Variants in NR2C2 observed in about 807,000 individuals in gnomAD.
NR2C2 encodes the protein nuclear receptor subfamily 2 group C member 2, also known as Nuclear hormone receptor TR4.
NR2C2 carries 6 observed loss-of-function variants against 62.9 expected under a neutral mutation model. The ratio of observed to expected loss-of-function variants is 0.10; its 90% confidence interval spans 0.05 to 0.19. NR2C2 has a LOEUF of 0.19. Among genes scored for constraint, NR2C2 ranks in the 10% least tolerant of loss-of-function variants. The pLI, the probability that NR2C2 is intolerant of heterozygous loss-of-function variation, is 1.00. For missense variants in NR2C2, 479 were observed against 762.7 expected, an observed-to-expected ratio of 0.63 and a Z score of 4.38; for synonymous variants, 272 against 273.8, an observed-to-expected ratio of 0.99 and a Z score of 0.07.
intron 1 of NR2C2, among the ~76,000 whole-genome samples, chr3:14,982,820 A>G (rs1368054831): frequency 1.3e-5 from 2 of 152,178 alleles, no homozygotes; most frequent in Non-Finnish European, 2.9e-5. Flanking sequence ...TGTTGATAGC[A>G]GGCATCCTTG....
intron 1 of NR2C2, among the ~76,000 whole-genome samples, chr3:14,973,642 A>G (rs1186763212): frequency 1.3e-5 from 2 of 152,148 alleles, no homozygotes; most frequent in African/African-American, 4.8e-5. Context: ...TTTCTTTTGC[A>G]TGTGAATATC....
At chr3:14,964,034 G>T (rs560451727) in intron 1 of NR2C2, among the ~76,000 whole-genome samples, 2 of 152,050 alleles carry the variant, frequency 1.3e-5, no homozygotes, top group Non-Finnish European at 2.9e-5. Flanking sequence ...CAGAAGTATT[G>T]GGATTAAAAT....
chr3:15,000,639 T>G (rs1184900929), intron 1 of NR2C2, among the ~76,000 whole-genome samples: 1 of 152,176 alleles, frequency 6.6e-6, no homozygotes, highest in Non-Finnish European at 1.5e-5. Flanking sequence ...TTTTCAAGAT[T>G]GTTTTGGATA....
chr3:14,981,622 AAGAGT>A (rs946522979), intron 1 of NR2C2, among the ~76,000 whole-genome samples: 3 of 150,660 alleles, frequency 2.0e-5, no homozygotes, highest in African/African-American at 7.4e-5. Flanking sequence ...AAAAAAAAAA[AAGAGT>A]ATTGATTCAC....
chr3:14,974,318 A>T (rs901589520), intron 1 of NR2C2, among the ~76,000 whole-genome samples: 2 of 152,132 alleles, frequency 1.3e-5, no homozygotes, highest in Non-Finnish European at 2.9e-5. Context: ...TGAAATTGGG[A>T]AGTACGAGAT....
At chr3:14,982,798 G>T (rs893429932) in intron 1 of NR2C2, among the ~76,000 whole-genome samples, 2 of 152,084 alleles carry the variant, frequency 1.3e-5, no homozygotes, top group African/African-American at 4.8e-5. Context: ...CCAGTACAGT[G>T]TTGAATGGAA....
In NR2C2 at chr3:14,972,243, C is replaced by T. The variant is rs1361679586; in HGVS notation, c.-40+24337C>T. Among the ~76,000 whole-genome samples, 7 of 141,858 alleles carry T rather than the reference C, an allele frequency of 4.9e-5. No homozygotes were observed. In the South Asian group the frequency reaches 6.6e-4, roughly 13 times the overall value. The allele number at this position is 141,858 out of a possible 152,430, so 93.1% of individuals were successfully genotyped here. A position where few individuals can be genotyped will look rare whatever the true frequency, so the allele number is the denominator to read the frequency against. On this transcript the variant is annotated intron_variant, in intron 1 of 13. Transcript: ENST00000425241. Reference sequence around the variant, plus strand: ...AGGCTGGAGTGCAGTGGCATCATTTCGGCTCACTGTAACCTCCGCCTCCTG... The same window carrying T: ...AGGCTGGAGTGCAGTGGCATCATTTTGGCTCACTGTAACCTCCGCCTCCTG...
At chr3:14,973,167 G>C (rs543440943) in intron 1 of NR2C2, among the ~76,000 whole-genome samples, 1 of 152,098 alleles carries the variant, frequency 6.6e-6, no homozygotes, top group African/African-American at 2.4e-5. Context: ...TTCTTTTGTT[G>C]CTTGTACTTT....
intron 1 of NR2C2, among the ~76,000 whole-genome samples, chr3:15,000,069 G>C (rs960062503): frequency 6.6e-6 from 1 of 151,882 alleles, no homozygotes; most frequent in African/African-American, 2.4e-5. Flanking sequence ...TGTACAATAG[G>C]CTATTATTAA....
chr3:15,041,153 A>G (rs1218991316), intron 13 of NR2C2, among the ~76,000 whole-genome samples: 1 of 152,208 alleles, frequency 6.6e-6, no homozygotes. Flanking sequence ...TCTCAAAGAA[A>G]AGGGCCTAGA....
At chr3:15,038,999 C>A in intron 12 of NR2C2, 123 bp from the exon 13 acceptor site, 1 of 706,278 alleles carries the variant, frequency 1.4e-6, no homozygotes, top group South Asian at 1.7e-5. Context: ...CTAGATCAGT[C>A]TTTGAGTTCA....
intron 3 of NR2C2, among the ~76,000 whole-genome samples, chr3:15,014,469 CA>C (rs1433952992): frequency 6.8e-6 from 1 of 146,390 alleles, no homozygotes; most frequent in African/African-American, 2.6e-5. Context: ...GGTTGTGTTT[CA>C]TTTTTTTTTT....
intron 1 of NR2C2, among the ~76,000 whole-genome samples, chr3:14,984,653 G>A (rs1448786394): frequency 6.6e-6 from 1 of 152,110 alleles, no homozygotes; most frequent in Non-Finnish European, 1.5e-5. Context: ...TTTTTACGTT[G>A]TATCCATTGT....
chr3:14,992,211 G>A (rs1414879202), intron 1 of NR2C2, among the ~76,000 whole-genome samples: 2 of 151,886 alleles, frequency 1.3e-5, no homozygotes, highest in Non-Finnish European at 1.5e-5. Context: ...TGCTGCCAAA[G>A]CAATGTCATG....
intron 1 of NR2C2, among the ~76,000 whole-genome samples, chr3:14,996,602 G>A (rs1330679198): frequency 6.6e-6 from 1 of 152,140 alleles, no homozygotes; most frequent in Non-Finnish European, 1.5e-5. Flanking sequence ...ACGGAGTCTC[G>A]CTCTGTCCCC....
intron 2 of NR2C2, among the ~76,000 whole-genome samples, chr3:15,009,839 C>G (rs1170823301): frequency 2.0e-5 from 3 of 152,232 alleles, no homozygotes; most frequent in Non-Finnish European, 4.4e-5. Context: ...AGGAGAGTGT[C>G]CTTCCTTGCC....
intron 1 of NR2C2, among the ~76,000 whole-genome samples, chr3:14,984,748 C>A (rs1314940350): frequency 6.6e-6 from 1 of 151,974 alleles, no homozygotes; most frequent in Non-Finnish European, 1.5e-5. Context: ...TTGCTGTGAA[C>A]ATTTGTGTAT....
chr3:15,029,910 GAAGGAAGGAAAGAGAGAA>G (rs1316071796), intron 8 of NR2C2, among the ~76,000 whole-genome samples: 1 of 151,606 alleles, frequency 6.6e-6, no homozygotes, highest in African/African-American at 2.4e-5. Context: ...AGGAAGGAAG[GAAGGAAGGAAAGAGAGAA>G]AAGGAAGGAA....
chr3:14,988,725 T>C (rs1219157523), intron 1 of NR2C2, among the ~76,000 whole-genome samples: 1 of 152,196 alleles, frequency 6.6e-6, no homozygotes, highest in African/African-American at 2.4e-5. Flanking sequence ...ATCTCTTTTT[T>C]TTCCCCTCTT....
Sources: allele counts gnomAD v4.1 joint callset (sites outside exome capture counted in the v4.1 genomes callset), GRCh38; gene constraint gnomAD v4.1.1; transcripts MANE v1.5; gene names NCBI Gene and HGNC (gene_info 2026-07-23, HGNC 2026-07-21).